Variants in MACROD2 observed in about 807,000 individuals in gnomAD.
MACROD2 encodes the protein ADP-ribose glycohydrolase MACROD2.
Under a neutral mutation model 70.4 loss-of-function variants are expected in MACROD2, and 36 were observed. The observed-to-expected ratio is 0.51, with a 90% confidence interval of 0.39 to 0.68. The LOEUF is 0.68. Among genes scored for constraint, MACROD2 ranks in the 30% least tolerant of loss-of-function variants. The probability of loss-of-function intolerance (pLI) is 0.00; values close to 1 mark genes in which losing one functional copy is unlikely to be tolerated. For synonymous variants in MACROD2, 172 were observed against 178.8 expected (o/e 0.96, Z 0.30); for missense variants, 496 against 538.4 (o/e 0.92, Z 0.78).
intron 4 of MACROD2, among the ~76,000 whole-genome samples, chr20:14,680,032 G>A (rs551669726): frequency 9.2e-5 from 14 of 152,224 alleles, no homozygotes; most frequent in Middle Eastern, 3.4e-3. Context: ...GGACCCTGAG[G>A]GTCCTACTTA....
chr20:14,532,848 G>T (rs139151421), intron 4 of MACROD2, among the ~76,000 whole-genome samples: 2 of 152,324 alleles, frequency 1.3e-5, no homozygotes, highest in African/African-American at 4.8e-5. Context: ...GATGCATCGG[G>T]ATTAGGCCTT....
At chr20:14,538,352 A>G (rs1207266920) in intron 4 of MACROD2, among the ~76,000 whole-genome samples, 1 of 152,224 alleles carries the variant, frequency 6.6e-6, no homozygotes, top group Non-Finnish European at 1.5e-5. Context: ...GGCTGGAGCA[A>G]TGGAGGAGAG....
chr20:14,303,364 T>C (rs114482468), intron 3 of MACROD2, among the ~76,000 whole-genome samples: 173 of 152,258 alleles, frequency 1.1e-3, no homozygotes, highest in African/African-American at 3.7e-3. Flanking sequence ...AGAGCTTGTT[T>C]TCTGAGGTGG....
chr20:14,296,325 A>C (rs531157700), intron 3 of MACROD2, among the ~76,000 whole-genome samples: 5 of 152,094 alleles, frequency 3.3e-5, no homozygotes, highest in Admixed American at 6.5e-5. Flanking sequence ...ATATGTGTGC[A>C]TGTGCATTTA....
intron 3 of MACROD2, among the ~76,000 whole-genome samples, chr20:14,117,562 G>A (rs1269707940): frequency 2.0e-5 from 3 of 152,172 alleles, no homozygotes; most frequent in Non-Finnish European, 4.4e-5. Flanking sequence ...TAGGAAAACC[G>A]AGAGGAGGCC....
intron 3 of MACROD2, among the ~76,000 whole-genome samples, chr20:14,318,506 T>C (rs1057175191): frequency 3.3e-5 from 5 of 152,198 alleles, no homozygotes; most frequent in Admixed American, 6.5e-5. Flanking sequence ...CTTATGATAC[T>C]TGTAGGTAAG....
At chr20:15,157,633 C>T (rs1044906799) in intron 5 of MACROD2, among the ~76,000 whole-genome samples, 1 of 152,060 alleles carries the variant, frequency 6.6e-6, no homozygotes, top group Non-Finnish European at 1.5e-5. Flanking sequence ...AAGTTAGTGT[C>T]CTGAATAGTT....
chr20:14,541,539 A>G (rs1221102366), intron 4 of MACROD2, among the ~76,000 whole-genome samples: 1 of 151,984 alleles, frequency 6.6e-6, no homozygotes, highest in Non-Finnish European at 1.5e-5. Context: ...TTTTTCTTTA[A>G]CTTACTGTTG....
intron 5 of MACROD2, among the ~76,000 whole-genome samples, chr20:14,744,400 G>A (rs2071773014): frequency 6.6e-6 from 1 of 151,952 alleles, no homozygotes; most frequent in Non-Finnish European, 1.5e-5. Flanking sequence ...GTACCTTGTG[G>A]AATGACTAAA....
chr20:14,200,847 G>GA (rs752450220), intron 3 of MACROD2, among the ~76,000 whole-genome samples: 2 of 151,360 alleles, frequency 1.3e-5, no homozygotes, highest in Non-Finnish European at 2.9e-5. Context: ...AATTATTCAT[G>GA]CCTTTTTGCC....
intron 6 of MACROD2, among the ~76,000 whole-genome samples, chr20:15,393,255 G>A (rs2045816308): frequency 6.6e-6 from 1 of 152,116 alleles, no homozygotes; most frequent in African/African-American, 2.4e-5. Context: ...TATTTCATGA[G>A]GTTGATTGGA....
intron 3 of MACROD2, among the ~76,000 whole-genome samples, chr20:14,321,102 C>T (rs369207375): frequency 1.3e-5 from 2 of 151,982 alleles, no homozygotes; most frequent in African/African-American, 2.4e-5. Context: ...TGGTGGCTCA[C>T]GCTTGTAATC....
At chr20:15,431,334 T>C (rs1568803106) in intron 6 of MACROD2, 71 bp from the exon 7 acceptor site, 1 of 1,378,604 alleles carries the variant, frequency 7.3e-7, no homozygotes, top group Non-Finnish European at 1.0e-6. Context: ...ACAAAATAGA[T>C]GTTGAGAAAG....
intron 5 of MACROD2, among the ~76,000 whole-genome samples, chr20:15,004,129 G>C (rs1284228851): frequency 6.6e-6 from 1 of 152,190 alleles, no homozygotes; most frequent in Non-Finnish European, 1.5e-5. Context: ...AGAATGGTTT[G>C]AGTACTAACT....
At chr20:15,975,795 T>A (rs1443227193) in intron 13 of MACROD2, among the ~76,000 whole-genome samples, 1 of 152,218 alleles carries the variant, frequency 6.6e-6, no homozygotes, top group Non-Finnish European at 1.5e-5. Context: ...AAATTGCATT[T>A]CTTTTGTAAC....
intron 5 of MACROD2, among the ~76,000 whole-genome samples, chr20:14,792,676 C>T (rs890481265): frequency 1.3e-5 from 2 of 152,068 alleles, no homozygotes; most frequent in African/African-American, 4.8e-5. Flanking sequence ...AGGACCTGGG[C>T]TGTCACCTTG....
At chr20:15,553,236 C>T (rs1377036595) in intron 8 of MACROD2, among the ~76,000 whole-genome samples, 1 of 152,100 alleles carries the variant, frequency 6.6e-6, no homozygotes, top group Non-Finnish European at 1.5e-5. Context: ...TAAACATAAC[C>T]CATCCCTCTC....
At chr20:15,831,941 A>G (rs561246701) in intron 8 of MACROD2, among the ~76,000 whole-genome samples, 1 of 152,336 alleles carries the variant, frequency 6.6e-6, no homozygotes, top group Admixed American at 6.5e-5. Flanking sequence ...AAACTCTCAC[A>G]GAAAATGTTA....
chr20:15,897,422 C>T (rs1454991401), intron 10 of MACROD2, among the ~76,000 whole-genome samples: 1 of 152,074 alleles, frequency 6.6e-6, no homozygotes, highest in Non-Finnish European at 1.5e-5. Context: ...TGCTGTACTT[C>T]TTGGATCTCG....
Sources: gnomAD v4.1 joint callset for allele counts (sites outside exome capture counted in the v4.1 genomes callset) on GRCh38, gnomAD v4.1.1 for gene constraint, MANE v1.5 for transcripts, NCBI Gene and HGNC (gene_info 2026-07-23, HGNC 2026-07-21) for gene names.